Variants in RBPMS observed in about 807,000 individuals in gnomAD.
RBPMS encodes the protein RNA binding protein, mRNA processing factor, also known as RNA-binding protein with multiple splicing.
In RBPMS, 7 loss-of-function variants were observed where a neutral mutation model predicts 26.8. That is an observed-to-expected ratio of 0.26 (90% CI 0.15 to 0.49). RBPMS has a LOEUF of 0.49. RBPMS is among the 20% of genes least tolerant of loss of function. The pLI is 0.98. For synonymous variants in RBPMS, 96 were observed against 93.3 expected, an observed-to-expected ratio of 1.03 and a Z score of -0.17; for missense variants, 186 against 250.0, an observed-to-expected ratio of 0.74 and a Z score of 1.73.
intron 7 of RBPMS, chr8:30,565,868 C>G (rs1168562038): frequency 6.6e-6 from 1 of 152,314 alleles, no homozygotes; most frequent in African/African-American, 2.4e-5. Context: ...GGACAGTCCT[C>G]CGGGTCTAGG....
chr8:30,448,763 G>A (rs987778149), intron 1 of RBPMS, among the ~76,000 whole-genome samples: 73 of 152,316 alleles, frequency 4.8e-4, no homozygotes, highest in African/African-American at 1.7e-3. Context: ...ATAAAGTGGC[G>A]ACAGAAATAG....
At chr8:30,508,427 C>G (rs1260079835) in intron 5 of RBPMS, among the ~76,000 whole-genome samples, 1 of 152,114 alleles carries the variant, frequency 6.6e-6, no homozygotes, top group East Asian at 1.9e-4. Context: ...GTTTAGTTAC[C>G]TAACCTCTCT....
chr8:30,440,834 C>T (rs1255175824), intron 1 of RBPMS, among the ~76,000 whole-genome samples: 1 of 150,990 alleles, frequency 6.6e-6, no homozygotes, highest in Non-Finnish European at 1.5e-5. Flanking sequence ...CACTATCTCA[C>T]CCAGGGTGGG....
intron 4 of RBPMS, among the ~76,000 whole-genome samples, chr8:30,488,937 A>G (rs1819082512): frequency 6.6e-6 from 1 of 152,194 alleles, no homozygotes; most frequent in East Asian, 1.9e-4. Flanking sequence ...CACTTTACTG[A>G]TTTGGGGGCT....
chr8:30,393,942 G>A (rs1247367545), intron 1 of RBPMS, among the ~76,000 whole-genome samples: 1 of 121,492 alleles, frequency 8.2e-6, no homozygotes, highest in East Asian at 2.3e-4. Context: ...TTTCTCTTAG[G>A]TTTTAACTCT....
At chr8:30,437,568 A>G (rs902487538) in intron 1 of RBPMS, among the ~76,000 whole-genome samples, 2 of 152,124 alleles carry the variant, frequency 1.3e-5, no homozygotes, top group African/African-American at 4.8e-5. Context: ...AGGCAGGTGG[A>G]TCACCTGAGG....
At chr8:30,388,469 TTATAGC>T (rs1807377970) in intron 1 of RBPMS, among the ~76,000 whole-genome samples, 3 of 121,820 alleles carry the variant, frequency 2.5e-5, no homozygotes, top group African/African-American at 6.0e-5. Context: ...AACTTATAAC[TTATAGC>T]TATAGCTATA....
At chr8:30,452,893 C>T (rs1351577549) in intron 1 of RBPMS, among the ~76,000 whole-genome samples, 1 of 152,190 alleles carries the variant, frequency 6.6e-6, no homozygotes, top group Non-Finnish European at 1.5e-5. Flanking sequence ...AAAATCTTTT[C>T]CTTGGAGATT....
At chr8:30,474,321 A>G (rs923925037) in intron 1 of RBPMS, among the ~76,000 whole-genome samples, 1 of 152,180 alleles carries the variant, frequency 6.6e-6, no homozygotes, top group Non-Finnish European at 1.5e-5. Context: ...TTTTTGAAGC[A>G]CATTATATAG....
At chr8:30,388,163 C>T (rs940410664) in intron 1 of RBPMS, among the ~76,000 whole-genome samples, 2 of 151,866 alleles carry the variant, frequency 1.3e-5, no homozygotes, top group South Asian at 4.2e-4. Flanking sequence ...TAAAGACTAA[C>T]CAGTTGTCAA....
intron 6 of RBPMS, among the ~76,000 whole-genome samples, chr8:30,551,540 T>TA (rs1826381112): frequency 1.3e-5 from 2 of 152,334 alleles, no homozygotes; most frequent in South Asian, 4.1e-4. Flanking sequence ...TCCAGGTTTC[T>TA]AAGTGTGTTC....
intron 1 of RBPMS, among the ~76,000 whole-genome samples, chr8:30,472,979 G>GA (rs1817297644): frequency 6.6e-6 from 1 of 152,126 alleles, no homozygotes; most frequent in Non-Finnish European, 1.5e-5. Context: ...TTTCACTGAG[G>GA]AAAAATCTTT....
intron 4 of RBPMS, among the ~76,000 whole-genome samples, chr8:30,501,685 C>G (rs1028090833): frequency 6.6e-6 from 1 of 152,180 alleles, no homozygotes; most frequent in Non-Finnish European, 1.5e-5. Flanking sequence ...GAAAGGTTCT[C>G]TGTTCATTGT....
chr8:30,441,013 T>C (rs943522123), intron 1 of RBPMS, among the ~76,000 whole-genome samples: 4 of 141,436 alleles, frequency 2.8e-5, no homozygotes, highest in Non-Finnish European at 4.4e-5. Flanking sequence ...TTTAATTTTT[T>C]TGTAGAGACA....
At chr8:30,427,472 G>A (rs986054114) in intron 1 of RBPMS, among the ~76,000 whole-genome samples, 3 of 152,080 alleles carry the variant, frequency 2.0e-5, no homozygotes, top group African/African-American at 7.2e-5. Flanking sequence ...TACCTGGAAT[G>A]CCCTTCCATT....
intron 7 of RBPMS, among the ~76,000 whole-genome samples, chr8:30,561,010 C>T (rs1367924664): frequency 1.3e-5 from 2 of 152,072 alleles, no homozygotes; most frequent in African/African-American, 4.8e-5. Context: ...AATTACATGT[C>T]GTGTGTGTGC....
chr8:30,440,968 G>GC (rs1178505361), intron 1 of RBPMS, among the ~76,000 whole-genome samples: 1 of 141,646 alleles, frequency 7.1e-6, no homozygotes, highest in East Asian at 2.0e-4. Context: ...CCCCCGCCCC[G>GC]CCCCCCTCCA....
At chr8:30,492,960 G>A (rs1209352147) in intron 4 of RBPMS, among the ~76,000 whole-genome samples, 1 of 152,080 alleles carries the variant, frequency 6.6e-6, no homozygotes, top group Non-Finnish European at 1.5e-5. Context: ...CACATTGACA[G>A]GGCATGGTTT....
chr8:30,529,290 C>T (rs1175178984), intron 5 of RBPMS, among the ~76,000 whole-genome samples: 1 of 151,752 alleles, frequency 6.6e-6, no homozygotes, highest in Non-Finnish European at 1.5e-5. Flanking sequence ...AATTCAGTGA[C>T]ATCAATTATA....
Sources: gnomAD v4.1 joint callset for allele counts (sites outside exome capture counted in the v4.1 genomes callset) on GRCh38, gnomAD v4.1.1 for gene constraint, MANE v1.5 for transcripts, NCBI Gene and HGNC (gene_info 2026-07-23, HGNC 2026-07-21) for gene names.